PKNOX2: variants seen among roughly 807,000 people sequenced by gnomAD.
The protein encoded by PKNOX2 is homeobox protein PKNOX2.
Under a neutral mutation model 53.1 loss-of-function variants are expected in PKNOX2, and 14 were observed. That is an observed-to-expected ratio of 0.26 (90% CI 0.17 to 0.41). PKNOX2 has a LOEUF of 0.41. Among genes scored for constraint, PKNOX2 ranks in the 10% least tolerant of loss-of-function variants. The pLI, the probability that PKNOX2 is intolerant of heterozygous loss-of-function variation, is 1.00. For synonymous variants in PKNOX2, 257 were observed against 242.8 expected, an observed-to-expected ratio of 1.06 and a Z score of -0.54; for missense variants, 496 against 602.8, an observed-to-expected ratio of 0.82 and a Z score of 1.85.
intron 2 of PKNOX2, among the ~76,000 whole-genome samples, chr11:125,322,669 AG>A (rs2136069377): frequency 6.6e-6 from 1 of 152,310 alleles, no homozygotes; most frequent in African/African-American, 2.4e-5. Context: ...TTGGCTGCAG[AG>A]CTGGAAGGGG....
intron 4 of PKNOX2, among the ~76,000 whole-genome samples, chr11:125,359,296 C>T (rs144001636): frequency 2.0e-5 from 3 of 152,242 alleles, no homozygotes; most frequent in African/African-American, 4.8e-5. Context: ...TGACTGTTAG[C>T]GAAGGGTCCC....
chr11:125,365,862 T>C (rs1006526873), intron 4 of PKNOX2, among the ~76,000 whole-genome samples: 2 of 152,206 alleles, frequency 1.3e-5, no homozygotes. Flanking sequence ...TCATGTCAGA[T>C]CCACGAACTG....
At chr11:125,386,902 G>A (rs544622870) in intron 6 of PKNOX2, among the ~76,000 whole-genome samples, 37 of 152,026 alleles carry the variant, frequency 2.4e-4, no homozygotes, top group African/African-American at 8.9e-4. Flanking sequence ...TTTGTGAAGT[G>A]TCATGATGGG....
chr11:125,214,930 G>T (rs1940305533), intron 1 of PKNOX2, among the ~76,000 whole-genome samples: 1 of 152,060 alleles, frequency 6.6e-6, no homozygotes, highest in African/African-American at 2.4e-5. Context: ...GAGAGATAAA[G>T]GCGTGAGATC....
intron 2 of PKNOX2, among the ~76,000 whole-genome samples, chr11:125,316,755 G>A (rs974142830): frequency 3.3e-5 from 5 of 152,202 alleles, no homozygotes; most frequent in African/African-American, 9.7e-5. Context: ...TGCTGCTGGA[G>A]GGTTTTGCCT....
chr11:125,403,280 G>A (rs552314878), intron 7 of PKNOX2, among the ~76,000 whole-genome samples: 1 of 152,238 alleles, frequency 6.6e-6, no homozygotes, highest in South Asian at 2.1e-4. Context: ...TTCTGTTTTG[G>A]GGCTAATAGT....
At chr11:125,366,226 G>A (rs967200282) in intron 4 of PKNOX2, among the ~76,000 whole-genome samples, 6 of 152,166 alleles carry the variant, frequency 3.9e-5, no homozygotes, top group Admixed American at 2.0e-4. Context: ...GAAAACAGTA[G>A]GACTCAAGCA....
At chr11:125,366,652 T>C (rs1054486628) in intron 4 of PKNOX2, among the ~76,000 whole-genome samples, 3 of 152,156 alleles carry the variant, frequency 2.0e-5, no homozygotes, top group African/African-American at 7.2e-5. Flanking sequence ...TGAGCGGAGA[T>C]CTAAATGAAG....
chr11:125,430,011 C>G lies in PKNOX2; in HGVS notation c.1062C>G (p.Ser354Arg). 1 of 1,614,206 alleles carries G rather than the reference C, an allele frequency of 6.2e-7. No individual in the cohort carries two copies. The highest frequency in any genetic ancestry group is 8.5e-7 in the Non-Finnish European group (1 of 1,180,038). ...RRILQPMLDA[S>R]NPDPAPKAKK... ...TCCTGCAGCCCATGCTTGATGCCAG[C>G]AACCCAGATCCTGCCCCCAAAGCCA... Residue 354 changes from serine to arginine, a missense_variant, in exon 12 of 13, where the codon AGC becomes AGG. Ser to Arg is a moderately radical substitution (Grantham distance 110). Coordinates refer to ENST00000298282, the MANE Select transcript of PKNOX2 (RefSeq NM_001382323.2).
chr11:125,332,993 G>C (rs775727401), intron 3 of PKNOX2, among the ~76,000 whole-genome samples: 1 of 152,168 alleles, frequency 6.6e-6, no homozygotes, highest in Non-Finnish European at 1.5e-5. Flanking sequence ...GGCTCCTCGC[G>C]GTGGAAGCTG....
chr11:125,390,945 C>T (rs972094436), intron 6 of PKNOX2, among the ~76,000 whole-genome samples: 1 of 152,126 alleles, frequency 6.6e-6, no homozygotes, highest in African/African-American at 2.4e-5. Flanking sequence ...TCTAGTGACC[C>T]CACACTTCCA....
chr11:125,172,139 G>A (rs1955368975), intron 1 of PKNOX2, among the ~76,000 whole-genome samples: 1 of 152,178 alleles, frequency 6.6e-6, no homozygotes, highest in Non-Finnish European at 1.5e-5. Context: ...CCTGGGGACT[G>A]CAAGGGAGCA....
At chr11:125,280,439 T>C (rs1222606684) in intron 2 of PKNOX2, among the ~76,000 whole-genome samples, 1 of 152,174 alleles carries the variant, frequency 6.6e-6, no homozygotes, top group Non-Finnish European at 1.5e-5. Context: ...AAGGAGAGGC[T>C]GCACCTTCCC....
intron 2 of PKNOX2, among the ~76,000 whole-genome samples, chr11:125,286,081 T>G (rs564094694): frequency 6.6e-6 from 1 of 152,248 alleles, no homozygotes; most frequent in South Asian, 2.1e-4. Context: ...TGAGGCTGCA[T>G]GAAGGACCGT....
intron 2 of PKNOX2, among the ~76,000 whole-genome samples, chr11:125,248,318 A>AAAT (rs1943713670): frequency 6.6e-6 from 1 of 152,184 alleles, no homozygotes; most frequent in African/African-American, 2.4e-5. Context: ...AGCAGGTGTT[A>AAAT]AATTCTGCTT....
chr11:125,389,492 C>T (rs1044349790), intron 6 of PKNOX2, among the ~76,000 whole-genome samples: 1 of 152,202 alleles, frequency 6.6e-6, no homozygotes, highest in Non-Finnish European at 1.5e-5. Flanking sequence ...TGGCTGGCTC[C>T]CCTGGGAAAG....
At chr11:125,185,164 C>A (rs7929170) in intron 1 of PKNOX2, among the ~76,000 whole-genome samples, 2,007 of 152,362 alleles carry the variant, frequency 0.013, 39 homozygotes, top group African/African-American at 0.045. Context: ...CTCAGCCCTG[C>A]AGCTCTGTGC....
At chr11:125,199,456 C>A (rs1938177538) in intron 1 of PKNOX2, among the ~76,000 whole-genome samples, 1 of 152,196 alleles carries the variant, frequency 6.6e-6, no homozygotes, top group Admixed American at 6.5e-5. Flanking sequence ...TGAGAAAAAC[C>A]AACTCAGGAA....
intron 1 of PKNOX2, chr11:125,190,931 C>T (rs577609888): frequency 1.3e-5 from 2 of 152,222 alleles, no homozygotes; most frequent in Non-Finnish European, 2.9e-5. Flanking sequence ...TGAACTAGGG[C>T]TGGAATTATT....
Sources: allele counts gnomAD v4.1 joint callset (sites outside exome capture counted in the v4.1 genomes callset), GRCh38; gene constraint gnomAD v4.1.1; transcripts MANE v1.5; gene names NCBI Gene and HGNC (gene_info 2026-07-23, HGNC 2026-07-21).